LDAH: variants seen among roughly 807,000 people sequenced by gnomAD.
LDAH encodes the protein lipid droplet-associated hydrolase.
Under a neutral mutation model 29.6 loss-of-function variants are expected in LDAH, and 26 were observed. The observed-to-expected ratio is 0.88, with a 90% CI of 0.64 to 1.22. The LOEUF is 1.22. Among genes scored for constraint, LDAH ranks in the 50% most tolerant of loss-of-function variants. LDAH has a pLI of 0.00. For missense variants in LDAH, 344 were observed against 387.3 expected (o/e 0.89, Z 0.94); for synonymous variants, 117 against 133.0 (o/e 0.88, Z 0.83).
intron 1 of LDAH, among the ~76,000 whole-genome samples, chr2:20,811,054 C>G (rs1463421746): frequency 1.3e-5 from 2 of 150,548 alleles, no homozygotes; most frequent in Non-Finnish European, 3.0e-5. Context: ...GTCCCGCTCT[C>G]TCGCCCAGGC....
At chr2:20,767,735 C>T (rs1669140677) in intron 4 of LDAH, among the ~76,000 whole-genome samples, 1 of 152,216 alleles carries the variant, frequency 6.6e-6, no homozygotes, top group South Asian at 2.1e-4. Context: ...CTTTCTGGGC[C>T]TACCCCTGGC....
At chr2:20,795,560 T>C (rs1310184215) in intron 2 of LDAH, among the ~76,000 whole-genome samples, 2 of 152,146 alleles carry the variant, frequency 1.3e-5, no homozygotes, top group Non-Finnish European at 2.9e-5. Flanking sequence ...CCAAGGACAA[T>C]GTTACTTTAC....
At chr2:20,688,986 C>G (rs2149325834) in intron 6 of LDAH, among the ~76,000 whole-genome samples, 1 of 152,064 alleles carries the variant, frequency 6.6e-6, no homozygotes, top group Admixed American at 6.5e-5. Context: ...CTATCCCTCC[C>G]CTACCCCCCA....
At chr2:20,808,345 T>C (rs1187374366) in intron 1 of LDAH, among the ~76,000 whole-genome samples, 1 of 152,132 alleles carries the variant, frequency 6.6e-6, no homozygotes, top group Non-Finnish European at 1.5e-5. Flanking sequence ...CTAATATGTA[T>C]GTGGAAGTGT....
Position 20,700,431 on chromosome 2 carries a change from T to C in LDAH, c.786+1139A>G, listed in dbSNP as rs541614427. Among the ~76,000 whole-genome samples the C allele has an allele frequency of 1.4e-4, 22 of 152,328 alleles. 1 individual carries two copies. In the South Asian group the frequency reaches 3.1e-3, roughly 22 times the overall value. On this transcript the variant is annotated intron_variant, in intron 6 of 6. Coordinates refer to ENST00000237822, the MANE Select transcript of LDAH (RefSeq NM_021925.4). ...AACATATACACTTCTCGTTTTAAGATAATTGTACTGGGAGGTTATGGAATT... is the reference window on the plus strand; with the variant it reads ...AACATATACACTTCTCGTTTTAAGACAATTGTACTGGGAGGTTATGGAATT...
At chr2:20,789,239 G>C (rs1572634595) in intron 3 of LDAH, 4 of 1,550,424 alleles carry the variant, frequency 2.6e-6, no homozygotes, top group Non-Finnish European at 3.5e-6. Context: ...GGGGTCTTTG[G>C]GAAGTAATTA....
intron 5 of LDAH, among the ~76,000 whole-genome samples, chr2:20,733,417 T>TTTTG (rs1666549336): frequency 6.7e-6 from 1 of 148,652 alleles, no homozygotes; most frequent in Admixed American, 6.7e-5. Flanking sequence ...TTTTTTTTTT[T>TTTTG]GAGACAGGAT....
At position 20,789,339 on chromosome 2, in the gene LDAH, A is replaced by T. The variant is rs1425417248; in HGVS notation, c.298+916T>A. 39 of 1,527,650 alleles carry T rather than the reference A, an allele frequency of 2.6e-5. No individual in the cohort carries two copies. The African/African-American group carries it at 4.4e-4, about 17-fold the overall frequency. 94.6% of individuals were successfully genotyped at this position (1,527,650 alleles called of 1,614,324 possible). A position where few individuals can be genotyped will look rare whatever the true frequency, so the allele number is the denominator to read the frequency against. ...ACCACGAGAGGACAGCAAGAATGCC[A>T]CCTGTGAATCGGGAAGTAGGTTTTC... On this transcript the variant is annotated intron_variant, in intron 3 of 6. Transcript: ENST00000237822.
chr2:20,772,489 A>G (rs1401287150), intron 4 of LDAH, among the ~76,000 whole-genome samples: 1 of 152,220 alleles, frequency 6.6e-6, no homozygotes, highest in African/African-American at 2.4e-5. Flanking sequence ...TGACTGCACA[A>G]CACACAAGTG....
chr2:20,749,763 C>A (rs1328929745), intron 4 of LDAH, among the ~76,000 whole-genome samples: 1 of 152,186 alleles, frequency 6.6e-6, no homozygotes, highest in African/African-American at 2.4e-5. Flanking sequence ...AGGTTAGGCC[C>A]AAATGGCTGA....
At chr2:20,750,943 A>G (rs1667927841) in intron 4 of LDAH, among the ~76,000 whole-genome samples, 1 of 152,238 alleles carries the variant, frequency 6.6e-6, no homozygotes, top group Admixed American at 6.5e-5. Flanking sequence ...CACCTGCAAA[A>G]GGAAGTTAAA....
At position 20,737,321 on chromosome 2, in the gene LDAH, C is replaced by T. The variant is rs566574711; in HGVS notation, c.703+2650G>A. On this transcript the variant is annotated intron_variant, in intron 5 of 6. Transcript: ENST00000237822. ...GGAGAAATAGTGGAAAGTCCATTTACTCTATCTTCCTGGAAGCAGAAGTCC... is the reference window on the plus strand; with the variant it reads ...GGAGAAATAGTGGAAAGTCCATTTATTCTATCTTCCTGGAAGCAGAAGTCC... 1.3e-4 allele frequency among the ~76,000 whole-genome samples: 20 copies of T among 152,260 alleles called. No homozygotes were observed. The South Asian group carries it at 4.1e-3, about 32-fold the overall frequency.
intron 5 of LDAH, among the ~76,000 whole-genome samples, chr2:20,703,532 T>C (rs1664099587): frequency 1.3e-5 from 2 of 152,218 alleles, no homozygotes; most frequent in Admixed American, 6.5e-5. Context: ...CTTACACCTT[T>C]ACTTCTGAAT....
At chr2:20,802,965 G>A (rs1205682092) in intron 1 of LDAH, among the ~76,000 whole-genome samples, 1 of 152,156 alleles carries the variant, frequency 6.6e-6, no homozygotes, top group African/African-American at 2.4e-5. Context: ...TTTCTGGAGA[G>A]CTTATATTTT....
At chr2:20,743,673 T>C (rs954489543) in intron 4 of LDAH, among the ~76,000 whole-genome samples, 4 of 152,150 alleles carry the variant, frequency 2.6e-5, no homozygotes, top group Admixed American at 6.5e-5. Flanking sequence ...CTGATGCTCT[T>C]CTTTTCTTTA....
At chr2:20,822,788 T>G (rs559492757) in intron 1 of LDAH, among the ~76,000 whole-genome samples, 3 of 152,200 alleles carry the variant, frequency 2.0e-5, no homozygotes, top group Admixed American at 6.5e-5. Context: ...CACTTAGGGG[T>G]TCAAATGCTG....
intron 3 of LDAH, among the ~76,000 whole-genome samples, chr2:20,781,247 C>T (rs975767225): frequency 4.6e-5 from 7 of 151,936 alleles, no homozygotes; most frequent in African/African-American, 1.5e-4. Flanking sequence ...ACTTTTTTTC[C>T]CCTCGAATCA....
chr2:20,742,395 G>T (rs1040993897), intron 4 of LDAH, among the ~76,000 whole-genome samples: 3 of 152,184 alleles, frequency 2.0e-5, no homozygotes, highest in African/African-American at 7.2e-5. Flanking sequence ...ATAAAGGGGT[G>T]TTGAAATCTC....
intron 4 of LDAH, among the ~76,000 whole-genome samples, chr2:20,770,122 C>T (rs766456660): frequency 1.3e-5 from 2 of 151,980 alleles, no homozygotes; most frequent in African/African-American, 2.4e-5. Context: ...GAAAAAATTC[C>T]TCTATAGTCA....
Sources: gnomAD v4.1 joint callset for allele counts (sites outside exome capture counted in the v4.1 genomes callset) on GRCh38, gnomAD v4.1.1 for gene constraint, MANE v1.5 for transcripts, NCBI Gene and HGNC (gene_info 2026-07-23, HGNC 2026-07-21) for gene names.